KIF14: variants seen among roughly 807,000 people sequenced by gnomAD.
KIF14 encodes kinesin family member 14, also known as kinesin-like protein KIF14.
Under a neutral mutation model 176.2 loss-of-function variants are expected in KIF14, and 98 were observed. That is an observed-to-expected ratio of 0.56 (90% CI 0.47 to 0.66). KIF14 has a LOEUF of 0.66. KIF14 is among the 30% of genes least tolerant of loss of function. The probability of loss-of-function intolerance (pLI) is 0.00; values close to 1 mark genes in which losing one functional copy is unlikely to be tolerated. For synonymous variants in KIF14, 566 were observed against 632.2 expected, an observed-to-expected ratio of 0.90 and a Z score of 1.57; for missense variants, 1,751 against 1,920.4, an observed-to-expected ratio of 0.91 and a Z score of 1.65.
chr1:200,593,844 T>A, intron 14 of KIF14, 75 bp from the exon 15 acceptor site: 1 of 826,174 alleles, frequency 1.2e-6, no homozygotes, highest in South Asian at 1.4e-5. Context: ...TATGGGATAA[T>A]TCTGCTTGGG....
intron 22 of KIF14, among the ~76,000 whole-genome samples, chr1:200,571,115 T>C (rs1305034732): frequency 6.6e-6 from 1 of 152,200 alleles, no homozygotes; most frequent in Non-Finnish European, 1.5e-5. Context: ...TATCTCCAAT[T>C]GCTCTTTTTG....
chr1:200,617,769 T>C lies in KIF14; in HGVS notation c.955A>G (p.Ser319Gly). 6.2e-7 allele frequency: 1 copy of C among 1,614,186 alleles called. No homozygotes were observed. Among genetic ancestry groups the C allele is most frequent in the Non-Finnish European group, 8.5e-7 (1 of 1,180,016 alleles). ...SNLQVKQRPK[S>G]SFLANKQERS... ...TCCTGTTTATTTGCAAGAAAGGAAC[T>C]TTTTGGTCTTTGTTTAACTTGAAGG... The change falls in exon 2 of 30, where the codon AGT becomes GGT. Residue 319 changes from serine (S) to glycine (G), a missense_variant. Ser to Gly is a moderately conservative substitution (Grantham distance 56). Transcript: ENST00000367350.
chr1:200,598,470 GT>G, intron 13 of KIF14, 49 bp from the exon 14 acceptor site: 1 of 1,403,542 alleles, frequency 7.1e-7, no homozygotes, highest in Non-Finnish European at 9.8e-7. Context: ...GTATGAAATT[GT>G]TAAATTCACC....
chr1:200,611,087 A>G (rs1006732632), intron 4 of KIF14, among the ~76,000 whole-genome samples: 1 of 152,208 alleles, frequency 6.6e-6, no homozygotes, highest in Non-Finnish European at 1.5e-5. Context: ...TACAGTGTAG[A>G]GGCCAAAAAC....
At chr1:200,592,539 C>T (rs1659108361) in intron 15 of KIF14, among the ~76,000 whole-genome samples, 1 of 152,150 alleles carries the variant, frequency 6.6e-6, no homozygotes, top group Admixed American at 6.5e-5. Flanking sequence ...CCACACCCAG[C>T]TAATTTTTGC....
chr1:200,564,040 T>A (rs1657305124), intron 25 of KIF14, among the ~76,000 whole-genome samples: 1 of 151,836 alleles, frequency 6.6e-6, no homozygotes, highest in South Asian at 2.1e-4. Context: ...GGGGGGCGGA[T>A]CACCTGAGGT....
intron 21 of KIF14, 54 bp downstream of exon 21, chr1:200,580,200 T>A: frequency 1.1e-6 from 1 of 920,970 alleles, no homozygotes; most frequent in South Asian, 3.6e-5. Context: ...GTACTTGAAC[T>A]TTTATACTTT....
intron 16 of KIF14, among the ~76,000 whole-genome samples, chr1:200,590,895 G>A (rs1273721819): frequency 6.6e-6 from 1 of 152,066 alleles, no homozygotes; most frequent in African/African-American, 2.4e-5. Flanking sequence ...GCGTGGTGGT[G>A]TGCGCCTATA....
At chr1:200,555,904 C>T (rs545810609) in intron 27 of KIF14, among the ~76,000 whole-genome samples, 1 of 152,188 alleles carries the variant, frequency 6.6e-6, no homozygotes, top group South Asian at 2.1e-4. Context: ...TATGGACACC[C>T]TCTAATATTT....
At chr1:200,570,187 T>G (rs1657699236) in intron 22 of KIF14, among the ~76,000 whole-genome samples, 182 bp from the exon 23 acceptor site, 1 of 152,214 alleles carries the variant, frequency 6.6e-6, no homozygotes, top group South Asian at 2.1e-4. Flanking sequence ...ACAGGCACTG[T>G]TCTAGGCAGA....
At chr1:200,573,371 C>A (rs932386819) in intron 22 of KIF14, among the ~76,000 whole-genome samples, 2 of 149,970 alleles carry the variant, frequency 1.3e-5, no homozygotes, top group African/African-American at 2.5e-5. Context: ...GACCTTTTTG[C>A]TATGCTATAT....
At position 200,618,240 on chromosome 1, in the gene KIF14, T is replaced by G. The variant is rs768657357; in HGVS notation, c.484A>C (p.Thr162Pro). 1.2e-6 allele frequency: 2 copies of G among 1,613,924 alleles called. No individual in the cohort carries two copies. The highest frequency in any genetic ancestry group is 1.7e-6 in the Non-Finnish European group (2 of 1,180,016). The part of the protein sequence containing the change: ...ENNGVSKESR[T>P]NVRIVNNAKN... ...GCATTATTTACAATCCTTACATTTG[T>G]TCTACTTTCCTTAGAAACACCATTA... is the stretch of plus-strand genomic sequence containing the variant. Residue 162 changes from threonine (T) to proline (P), a missense_variant, in exon 2 of 30, where the codon ACA (threonine) becomes CCA (proline). Thr to Pro is a conservative substitution (Grantham distance 38). Coordinates refer to ENST00000367350, the MANE Select transcript of KIF14 (RefSeq NM_014875.3).
intron 22 of KIF14, among the ~76,000 whole-genome samples, chr1:200,574,951 T>C (rs1337777203): frequency 1.4e-5 from 2 of 146,682 alleles, no homozygotes; most frequent in Non-Finnish European, 1.5e-5. Context: ...TTTTTTTTTT[T>C]TTTTTTTTTG....
chr1:200,596,725 G>A (rs113030213), intron 14 of KIF14, among the ~76,000 whole-genome samples: 83 of 150,922 alleles, frequency 5.5e-4, no homozygotes, highest in African/African-American at 1.9e-3. Flanking sequence ...CCACCATGCC[G>A]GGCTAATTTT....
chr1:200,563,328 CT>C (rs1034510906), intron 25 of KIF14, among the ~76,000 whole-genome samples: 2 of 152,034 alleles, frequency 1.3e-5, no homozygotes, highest in African/African-American at 4.8e-5. Flanking sequence ...AAAGTGAAAT[CT>C]AACCCTCTTA....
intron 10 of KIF14, among the ~76,000 whole-genome samples, chr1:200,602,304 T>C (rs1659666433): frequency 6.6e-6 from 1 of 152,198 alleles, no homozygotes; most frequent in Admixed American, 6.5e-5. Flanking sequence ...GATTCTAAAA[T>C]GTGGTGGATC....
chr1:200,614,888 ACCATTTATCAGATGC>A (rs1050753162), intron 3 of KIF14, among the ~76,000 whole-genome samples: 48 of 150,786 alleles, frequency 3.2e-4, no homozygotes, highest in Non-Finnish European at 6.5e-4. Flanking sequence ...TATCATAGCT[ACCATTTATCAGATGC>A]CCCTCCACCC....
At position 200,618,487 on chromosome 1, in the gene KIF14, G is replaced by A. The variant is rs1006963111; in HGVS notation, c.237C>T (p.Pro79=). The stretch of plus-strand genomic sequence containing the variant: ...ATCTACCTACAGGATTAGGGGTAAG[G>A]GGCATGTCTGCTGTTTTTCTACTGG... The part of the protein sequence containing the change: ...ISASRKTADM[P]LTPNPVGRLA... The change falls in exon 2 of 30, where the codon CCC becomes CCT. Residue 79 remains proline, a synonymous_variant. Transcript: ENST00000367350. 2.5e-6 allele frequency: 4 copies of A among 1,613,968 alleles called. No individual in the cohort carries two copies. The highest frequency in any genetic ancestry group is 2.7e-5 in the African/African-American group (2 of 74,906).
At chr1:200,559,236 A>G in intron 27 of KIF14, 94 bp downstream of exon 27, 1 of 749,302 alleles carries the variant, frequency 1.3e-6, no homozygotes, top group Non-Finnish European at 1.9e-6. Context: ...ACAAATTAAA[A>G]CATATGAATT....
Sources: gnomAD v4.1 joint callset for allele counts (sites outside exome capture counted in the v4.1 genomes callset) on GRCh38, gnomAD v4.1.1 for gene constraint, MANE v1.5 for transcripts, NCBI Gene and HGNC (gene_info 2026-07-23, HGNC 2026-07-21) for gene names.